Variants in UBE2U observed in about 807,000 individuals in gnomAD.
The protein encoded by UBE2U is ubiquitin conjugating enzyme E2 U, also known as ubiquitin-conjugating enzyme E2 U.
UBE2U carries 39 observed loss-of-function variants against 41.2 expected under a neutral mutation model. The observed-to-expected ratio is 0.95, with a 90% CI of 0.73 to 1.24. UBE2U has a LOEUF of 1.24. Ranked by LOEUF, UBE2U falls within the 50% of genes most tolerant of loss-of-function variation. UBE2U has a pLI of 0.00. For missense variants in UBE2U, 336 were observed against 363.1 expected, an observed-to-expected ratio of 0.93 and a Z score of 0.61; for synonymous variants, 107 against 117.8, an observed-to-expected ratio of 0.91 and a Z score of 0.60.
At chr1:64,224,778 A>G (rs1652747330) in intron 6 of UBE2U, among the ~76,000 whole-genome samples, 1 of 152,078 alleles carries the variant, frequency 6.6e-6, no homozygotes, top group African/African-American at 2.4e-5. Context: ...GTGTTGCAAG[A>G]TTAAAAAGTT....
intron 9 of UBE2U, among the ~76,000 whole-genome samples, chr1:64,262,494 G>C (rs1419843776): frequency 6.6e-6 from 1 of 152,072 alleles, no homozygotes; most frequent in Non-Finnish European, 1.5e-5. Context: ...TGAGGTTGTC[G>C]ACAGAATCCA....
chr1:64,262,847 T>C (rs1369153152), intron 9 of UBE2U, among the ~76,000 whole-genome samples: 2 of 152,172 alleles, frequency 1.3e-5, no homozygotes, highest in Non-Finnish European at 2.9e-5. Flanking sequence ...CCGGCACACA[T>C]GCTGTGTTAT....
At chr1:64,206,944 T>G in intron 3 of UBE2U, 88 bp downstream of exon 3, 1 of 818,118 alleles carries the variant, frequency 1.2e-6, no homozygotes, top group Non-Finnish European at 1.9e-6. Context: ...TTTAAGAACT[T>G]TATTATGATT....
At chr1:64,208,650 G>A (rs892967316) in intron 3 of UBE2U, among the ~76,000 whole-genome samples, 20 of 105,940 alleles carry the variant, frequency 1.9e-4, no homozygotes, top group African/African-American at 6.9e-4. Flanking sequence ...AAAAAAAGAT[G>A]TTTATTCCCA....
chr1:64,254,878 C>A (rs1422525431), intron 8 of UBE2U, among the ~76,000 whole-genome samples: 1 of 151,714 alleles, frequency 6.6e-6, no homozygotes, highest in Non-Finnish European at 1.5e-5. Context: ...GAACCAAGAG[C>A]AAACAAACCC....
chr1:64,220,807 A>G (rs1481447052), intron 5 of UBE2U, 52 bp from the exon 6 acceptor site: 14 of 1,336,664 alleles, frequency 1.0e-5, no homozygotes, highest in African/African-American at 1.5e-5. Flanking sequence ...ACATAAAGCC[A>G]TATATTCAAT....
chr1:64,220,321 G>A (rs1652353218), intron 5 of UBE2U, among the ~76,000 whole-genome samples: 1 of 152,056 alleles, frequency 6.6e-6, no homozygotes, highest in South Asian at 2.1e-4. Context: ...CTGGACGAGG[G>A]GAGAGAATCA....
chr1:64,241,828 C>G, intron 8 of UBE2U, 95 bp downstream of exon 8: 1 of 897,046 alleles, frequency 1.1e-6, no homozygotes, highest in South Asian at 1.7e-5. Flanking sequence ...AGAAGAAACC[C>G]TTGGAAATAA....
intron 3 of UBE2U, among the ~76,000 whole-genome samples, chr1:64,209,057 A>G (rs889731842): frequency 6.6e-6 from 1 of 152,248 alleles, no homozygotes; most frequent in Non-Finnish European, 1.5e-5. Flanking sequence ...AGGCAGGGGA[A>G]CATTCATATT....
chr1:64,265,892 T>C (rs1645248199), intron 9 of UBE2U, among the ~76,000 whole-genome samples: 1 of 152,168 alleles, frequency 6.6e-6, no homozygotes, highest in African/African-American at 2.4e-5. Flanking sequence ...TGTGTATCTT[T>C]CTATAAACCA....
At chr1:64,220,726 G>T in intron 5 of UBE2U, 133 bp from the exon 6 acceptor site, 9 of 685,392 alleles carry the variant, frequency 1.3e-5, no homozygotes, top group South Asian at 4.1e-5. Flanking sequence ...TCTTTCTTTT[G>T]CTCTCCTTGA....
chr1:64,238,359 G>T (rs1468498121), intron 7 of UBE2U, among the ~76,000 whole-genome samples: 2 of 150,956 alleles, frequency 1.3e-5, no homozygotes. Context: ...AGCCAAGATT[G>T]CACCACTGCA....
chr1:64,247,043 A>G (rs559030429), intron 8 of UBE2U, among the ~76,000 whole-genome samples: 1 of 151,132 alleles, frequency 6.6e-6, no homozygotes, highest in Non-Finnish European at 1.5e-5. Flanking sequence ...AAACAACACA[A>G]ATAAGGCCAT....
At chr1:64,232,703 C>A (rs1372487692) in intron 7 of UBE2U, 54 bp downstream of exon 7, 6 of 1,436,672 alleles carry the variant, frequency 4.2e-6, no homozygotes, top group African/African-American at 1.4e-5. Flanking sequence ...AATCTGTTAA[C>A]ATTTATCTTG....
At position 64,255,854 on chromosome 1, in the gene UBE2U, T is replaced by C. The variant is rs527612708; in HGVS notation, c.678-4749T>C. On this transcript the variant is annotated intron_variant, in intron 8 of 9. Transcript: ENST00000371077. Reference sequence around the variant, plus strand: ...TTATCTTTGTTTGCCGATACCATGATCCTATGTCTAGAAAACCCCATGGTC... The same window carrying C: ...TTATCTTTGTTTGCCGATACCATGACCCTATGTCTAGAAAACCCCATGGTC... 5.3e-5 allele frequency among the ~76,000 whole-genome samples: 8 copies of C among 150,772 alleles called. No homozygotes were observed. The South Asian group carries it at 1.7e-3, about 31-fold the overall frequency.
At chr1:64,210,973 C>A in intron 4 of UBE2U, 134 bp downstream of exon 4, 1 of 537,584 alleles carries the variant, frequency 1.9e-6, no homozygotes, top group Non-Finnish European at 3.0e-6. Context: ...ATCCATACTT[C>A]TATATGAAGG....
intron 9 of UBE2U, among the ~76,000 whole-genome samples, chr1:64,262,955 C>T (rs1248954242): frequency 6.6e-6 from 1 of 152,098 alleles, no homozygotes; most frequent in Non-Finnish European, 1.5e-5. Flanking sequence ...GGTTGGCATA[C>T]AGTAGCTATC....
intron 6 of UBE2U, among the ~76,000 whole-genome samples, chr1:64,222,355 T>C (rs1331501673): frequency 6.6e-6 from 1 of 152,304 alleles, no homozygotes; most frequent in East Asian, 1.9e-4. Context: ...CTCTTTATGG[T>C]ATAGTTATTT....
chr1:64,208,339 G>T (rs570018079), intron 3 of UBE2U, among the ~76,000 whole-genome samples: 1 of 152,204 alleles, frequency 6.6e-6, no homozygotes, highest in African/African-American at 2.4e-5. Context: ...AGGCTCAGTG[G>T]CTTATGCCTG....
Sources: gnomAD v4.1 joint callset for allele counts (sites outside exome capture counted in the v4.1 genomes callset) on GRCh38, gnomAD v4.1.1 for gene constraint, MANE v1.5 for transcripts, NCBI Gene and HGNC (gene_info 2026-07-23, HGNC 2026-07-21) for gene names.